Variants in PRELID2 observed in about 807,000 individuals in gnomAD.
The protein encoded by PRELID2 is PRELI domain-containing protein 2.
Under a neutral mutation model 28.4 loss-of-function variants are expected in PRELID2, and 25 were observed. The ratio of observed to expected loss-of-function variants is 0.88; its 90% CI spans 0.64 to 1.23. The LOEUF (loss-of-function observed/expected upper bound fraction) is 1.23, where lower values mean the gene tolerates loss of function less well. Ranked by LOEUF, PRELID2 falls within the 50% of genes most tolerant of loss-of-function variation. The pLI is 0.00. For synonymous variants in PRELID2, 76 were observed against 71.6 expected (o/e 1.06, Z -0.31); for missense variants, 201 against 214.4 (o/e 0.94, Z 0.39).
intron 1 of PRELID2, among the ~76,000 whole-genome samples, chr5:145,726,217 A>AAAGG (rs778448790): frequency 0.15 from 19,491 of 127,908 alleles, 1,916 homozygotes; most frequent in African/African-American, 0.22. Context: ...AAGAGAGAAG[A>AAAGG]AAGGAAGGAA....
the PRELID2 span, among the ~76,000 whole-genome samples, chr5:145,434,551 AT>A: frequency 6.6e-6 from 1 of 152,182 alleles, no homozygotes. Context: ...TAGTTCATAG[AT>A]TAATGAGTTC....
In PRELID2 at chr5:145,474,852, TAATC is replaced by T. The variant is rs550446066; in HGVS notation, n.71-1541_71-1538del. On this transcript the variant is annotated intron_variant and non_coding_transcript_variant, in intron 1 of 2. Coordinates refer to the PRELID2 transcript ENST00000510259. ...TGACAAAAAAATAGTCTAGTGGTGA[TAATC>T]AATAGATTAACTCATTTATTCCTCA... Among the ~76,000 whole-genome samples the T allele has an allele frequency of 2.0e-5, 3 of 152,308 alleles. No individual in the cohort carries two copies. In the South Asian group the frequency reaches 6.2e-4, roughly 32 times the overall value.
At chr5:145,389,933 G>A in the PRELID2 span, among the ~76,000 whole-genome samples, 1 of 152,138 alleles carries the variant, frequency 6.6e-6, no homozygotes. Context: ...TAATTGTGTG[G>A]GAAGAAGTTA....
In PRELID2 at chr5:145,571,600, C is replaced by T. The variant is rs1430786545; in HGVS notation, n.71-98285G>A. 3.3e-4 allele frequency among the ~76,000 whole-genome samples: 50 copies of T among 152,178 alleles called. 1 individual carries two copies. Among genetic ancestry groups the T allele is most frequent in the Non-Finnish European group, 1.6e-4 (11 of 68,034 alleles). On this transcript the variant is annotated intron_variant and non_coding_transcript_variant, in intron 1 of 2. Transcript: ENST00000510259. ...GGAAAATCTACCTTCTGTAGAGAAT[C>T]CCCCTCCCTTTCCAGACTTTTCCTT...
chr5:145,734,061 A>G (rs1409578406), intron 1 of PRELID2, among the ~76,000 whole-genome samples: 1 of 152,140 alleles, frequency 6.6e-6, no homozygotes, highest in Non-Finnish European at 1.5e-5. Context: ...AAGAAAGGGG[A>G]CAGATCTCTC....
chr5:145,296,472 G>A, the PRELID2 span, among the ~76,000 whole-genome samples: 2 of 151,506 alleles, frequency 1.3e-5, no homozygotes, highest in African/African-American at 2.4e-5. Flanking sequence ...ATAGTTTACT[G>A]AGAATGATGA....
the PRELID2 span, among the ~76,000 whole-genome samples, chr5:145,333,080 C>T: frequency 6.6e-6 from 1 of 152,240 alleles, no homozygotes; most frequent in African/African-American, 2.4e-5. Flanking sequence ...CACTGTTTGC[C>T]TGGGTATCAC....
the PRELID2 span, among the ~76,000 whole-genome samples, chr5:145,378,673 A>T: frequency 6.6e-6 from 1 of 152,142 alleles, no homozygotes; most frequent in East Asian, 1.9e-4. Context: ...CTATTTTGTC[A>T]GTCAGTTTCT....
chr5:145,286,710 TTGTTTG>T, the PRELID2 span, among the ~76,000 whole-genome samples: 2 of 96,278 alleles, frequency 2.1e-5, no homozygotes, highest in African/African-American at 1.0e-4. Context: ...TTGTTTTTTT[TTGTTTG>T]TTTGTTTGTT....
At chr5:145,468,795 T>A (rs986632267), downstream of PRELID2, among the ~76,000 whole-genome samples, 1 of 152,048 alleles carries the variant, frequency 6.6e-6, no homozygotes, top group African/African-American at 2.4e-5. Context: ...GTTTGAGTTC[T>A]TTGTAGATTC....
intron 1 of PRELID2, among the ~76,000 whole-genome samples, chr5:145,526,564 GGAATTTCAAGCAGGAAAATTAGATGTCT>G (rs1752606752): frequency 6.6e-6 from 1 of 152,088 alleles, no homozygotes; most frequent in Admixed American, 6.6e-5. Context: ...AAGCCACTGA[GGAATTTCAAGCAGGAAAATTAGATGTCT>G]AGATTTTATT....
chr5:145,755,494 C>G (rs1326096453), downstream of PRELID2, among the ~76,000 whole-genome samples: 1 of 152,060 alleles, frequency 6.6e-6, no homozygotes, highest in African/African-American at 2.4e-5. Flanking sequence ...TTAAAAGAAA[C>G]CTTTAAAGGC....
At chr5:145,426,649 G>T in the PRELID2 span, among the ~76,000 whole-genome samples, 1 of 151,954 alleles carries the variant, frequency 6.6e-6, no homozygotes, top group African/African-American at 2.4e-5. Context: ...ACATAATCTT[G>T]TGTGACTTTT....
chr5:145,440,066 C>T, the PRELID2 span, among the ~76,000 whole-genome samples: 1 of 152,104 alleles, frequency 6.6e-6, no homozygotes, highest in Non-Finnish European at 1.5e-5. Flanking sequence ...TGTGCTAGTC[C>T]ACTCTGAGGC....
chr5:145,830,214 T>C (rs2149889565), intron 1 of PRELID2, among the ~76,000 whole-genome samples: 1 of 152,266 alleles, frequency 6.6e-6, no homozygotes, highest in South Asian at 2.1e-4. Context: ...ATGACAAAAA[T>C]CACCACCTAT....
chr5:145,739,866 T>G (rs3903516), intron 1 of PRELID2, among the ~76,000 whole-genome samples: 8 of 151,132 alleles, frequency 5.3e-5, no homozygotes, highest in Admixed American at 1.3e-4. Context: ...AAAACCATTA[T>G]GTAAATTAAT....
chr5:145,769,934 C>T (rs1179817317), intron 5 of PRELID2, among the ~76,000 whole-genome samples: 1 of 152,160 alleles, frequency 6.6e-6, no homozygotes, highest in Non-Finnish European at 1.5e-5. Flanking sequence ...TAATGTGCTG[C>T]TTGATGACAT....
chr5:145,655,868 A>G (rs2149674096), intron 1 of PRELID2, among the ~76,000 whole-genome samples: 1 of 151,894 alleles, frequency 6.6e-6, no homozygotes, highest in Non-Finnish European at 1.5e-5. Flanking sequence ...AAACACCAAA[A>G]GCAATGGCAA....
At chr5:145,723,969 A>C (rs1561558583) in intron 1 of PRELID2, among the ~76,000 whole-genome samples, 1 of 152,238 alleles carries the variant, frequency 6.6e-6, no homozygotes, top group Non-Finnish European at 1.5e-5. Flanking sequence ...AGATTGATCA[A>C]GTAAATTCTG....
Sources: gnomAD v4.1 joint callset for allele counts (sites outside exome capture counted in the v4.1 genomes callset) on GRCh38, gnomAD v4.1.1 for gene constraint, MANE v1.5 for transcripts, NCBI Gene and HGNC (gene_info 2026-07-23, HGNC 2026-07-21) for gene names.